The following COP1 variants were observed in gnomAD, a reference collection of about 807,000 sequenced individuals.
COP1 encodes E3 ubiquitin-protein ligase COP1.
COP1 carries 24 observed loss-of-function variants against 101.3 expected under a neutral mutation model. The observed-to-expected ratio is 0.24, with a 90% CI of 0.17 to 0.33. COP1 has a LOEUF of 0.33. Ranked by LOEUF, COP1 falls within the 10% of genes least tolerant of loss-of-function variation. COP1 has a pLI of 1.00. For synonymous variants in COP1, 347 were observed against 341.9 expected (o/e 1.01, Z -0.17); for missense variants, 663 against 906.2 (o/e 0.73, Z 3.45).
At chr1:175,963,342 A>G (rs1466148172) in intron 18 of COP1, among the ~76,000 whole-genome samples, 1 of 151,990 alleles carries the variant, frequency 6.6e-6, no homozygotes, top group African/African-American at 2.4e-5. Flanking sequence ...CATCCTACTT[A>G]GACACTTTAT....
At position 176,178,035 on chromosome 1, in the gene COP1, G is replaced by A. The variant is rs144041809; in HGVS notation, c.468-2028C>T. 2.6e-3 allele frequency among the ~76,000 whole-genome samples: 398 copies of A among 152,210 alleles called. 3 individuals carry two copies. The highest frequency in any genetic ancestry group is 9.2e-3 in the African/African-American group (380 of 41,524). On this transcript the variant is annotated intron_variant, in intron 2 of 19. Coordinates refer to ENST00000367669, the MANE Select transcript of COP1 (RefSeq NM_022457.7). ...TCCAAAAACAGTATCATCACCTCTT[G>A]CAACTCTGACAAGGCTAGGATTACC... is the stretch of plus-strand genomic sequence containing the variant.
At chr1:176,003,056 G>C (rs1254933237) in intron 15 of COP1, among the ~76,000 whole-genome samples, 3 of 151,460 alleles carry the variant, frequency 2.0e-5, no homozygotes, top group Admixed American at 6.6e-5. Context: ...ATTCTAACTG[G>C]TGTGAGATGG....
At chr1:175,983,939 G>A (rs932761628) in intron 18 of COP1, among the ~76,000 whole-genome samples, 1 of 152,214 alleles carries the variant, frequency 6.6e-6, no homozygotes, top group Non-Finnish European at 1.5e-5. Flanking sequence ...AAGCATACAA[G>A]AGGTGACCTG....
rs528072492 is a variant in COP1, at chr1:176,088,731, C to T, written c.1027-2841G>A. Reference sequence around the variant, plus strand: ...ATCTATTTGGCCGGGCGCAGTGGCTCGTACCTGTAATCCCAGCATTTTGGG... The same window carrying T: ...ATCTATTTGGCCGGGCGCAGTGGCTTGTACCTGTAATCCCAGCATTTTGGG... On this transcript the variant is annotated intron_variant, in intron 9 of 19. Transcript: ENST00000367669. 7.3e-4 allele frequency among the ~76,000 whole-genome samples: 111 copies of T among 152,154 alleles called. 1 individual carries two copies. The highest frequency in any genetic ancestry group is 3.7e-3 in the East Asian group (19 of 5,166).
chr1:175,998,498 A>G (rs1463371023), intron 15 of COP1, among the ~76,000 whole-genome samples: 1 of 151,984 alleles, frequency 6.6e-6, no homozygotes, highest in Non-Finnish European at 1.5e-5. Context: ...AAAAGAAAAA[A>G]AAATAGAACC....
intron 3 of COP1, among the ~76,000 whole-genome samples, chr1:176,166,093 C>T (rs1695102508): frequency 6.6e-6 from 1 of 152,082 alleles, no homozygotes; most frequent in Non-Finnish European, 1.5e-5. Flanking sequence ...AAGAGCAACT[C>T]TATTAACTAA....
chr1:176,026,608 T>C (rs1667709329), intron 15 of COP1, among the ~76,000 whole-genome samples: 1 of 152,172 alleles, frequency 6.6e-6, no homozygotes, highest in East Asian at 1.9e-4. Context: ...ATCTACTTGT[T>C]AGTCCATGTC....
At chr1:176,001,409 T>A (rs1661565236) in intron 15 of COP1, among the ~76,000 whole-genome samples, 1 of 152,162 alleles carries the variant, frequency 6.6e-6, no homozygotes, top group African/African-American at 2.4e-5. Flanking sequence ...ATTTTCTCGA[T>A]TTTTGTTTGT....
At chr1:176,005,490 G>T (rs1288410821) in intron 15 of COP1, among the ~76,000 whole-genome samples, 1 of 152,110 alleles carries the variant, frequency 6.6e-6, no homozygotes, top group South Asian at 2.1e-4. Context: ...TGGGCATTTA[G>T]TGCTATAAAT....
intron 9 of COP1, among the ~76,000 whole-genome samples, chr1:176,090,374 T>C (rs546524150): frequency 9.2e-5 from 14 of 152,234 alleles, no homozygotes; most frequent in African/African-American, 3.4e-4. Context: ...CTCATTTTGG[T>C]TTTTTCGGCT....
intron 14 of COP1, among the ~76,000 whole-genome samples, chr1:176,033,199 A>T (rs1668924041): frequency 1.3e-5 from 2 of 152,056 alleles, no homozygotes; most frequent in Admixed American, 1.3e-4. Flanking sequence ...ATCACTTAAG[A>T]TCAGGAGTTG....
At chr1:176,036,094 T>A (rs1669488943) in intron 14 of COP1, among the ~76,000 whole-genome samples, 1 of 152,008 alleles carries the variant, frequency 6.6e-6, no homozygotes, top group East Asian at 1.9e-4. Flanking sequence ...GAAAATAATA[T>A]AATAGCAAAT....
intron 9 of COP1, among the ~76,000 whole-genome samples, chr1:176,088,360 A>G (rs1181602214): frequency 1.3e-5 from 2 of 152,218 alleles, no homozygotes; most frequent in African/African-American, 4.8e-5. Context: ...ATTTCATTAT[A>G]TAAGGATTAA....
At chr1:176,173,461 C>A (rs1390528154) in intron 3 of COP1, among the ~76,000 whole-genome samples, 2 of 150,922 alleles carry the variant, frequency 1.3e-5, no homozygotes, top group Admixed American at 6.6e-5. Context: ...CATAGTGAGA[C>A]CTTGTCTCTA....
At chr1:176,179,438 G>C (rs1026574936) in intron 2 of COP1, among the ~76,000 whole-genome samples, 1 of 152,226 alleles carries the variant, frequency 6.6e-6, no homozygotes, top group South Asian at 2.1e-4. Context: ...TGTTAAGTCA[G>C]AGAGGAGTTT....
intron 18 of COP1, among the ~76,000 whole-genome samples, chr1:175,959,759 A>C (rs1400115650): frequency 6.6e-6 from 1 of 152,140 alleles, no homozygotes; most frequent in Non-Finnish European, 1.5e-5. Context: ...GTAGGGGAAA[A>C]CTGAGTGTCT....
At chr1:176,032,867 A>C (rs1005236983) in intron 14 of COP1, among the ~76,000 whole-genome samples, 1 of 152,132 alleles carries the variant, frequency 6.6e-6, no homozygotes, top group South Asian at 2.1e-4. Flanking sequence ...GCTGATCAAC[A>C]TAAGTCTTTA....
chr1:176,199,946 C>A (rs1374677698), intron 1 of COP1, among the ~76,000 whole-genome samples: 2 of 152,146 alleles, frequency 1.3e-5, no homozygotes, highest in Admixed American at 1.3e-4. Flanking sequence ...TAATTTTAAA[C>A]AAAATCAGCC....
At chr1:175,998,150 T>C (rs1490791977) in intron 15 of COP1, among the ~76,000 whole-genome samples, 7 of 148,844 alleles carry the variant, frequency 4.7e-5, no homozygotes, top group Non-Finnish European at 1.0e-4. Flanking sequence ...GATGAGTTCA[T>C]GTCCTTTGTA....
Sources: allele counts gnomAD v4.1 joint callset (sites outside exome capture counted in the v4.1 genomes callset), GRCh38; gene constraint gnomAD v4.1.1; transcripts MANE v1.5; gene names NCBI Gene and HGNC (gene_info 2026-07-23, HGNC 2026-07-21).